Variants in CPLANE1 observed in about 807,000 individuals in gnomAD.
The protein encoded by CPLANE1 is ciliogenesis and planar polarity effector 1.
CPLANE1 carries 263 observed loss-of-function variants against 362.5 expected under a neutral mutation model. That is an observed-to-expected ratio of 0.73 (90% CI 0.66 to 0.80). The LOEUF is 0.80. Ranked by LOEUF, CPLANE1 falls within the 30% of genes least tolerant of loss-of-function variation. The pLI is 0.00. For synonymous variants in CPLANE1, 1,212 were observed against 1,302.6 expected, an observed-to-expected ratio of 0.93 and a Z score of 1.50; for missense variants, 3,461 against 3,793.4, an observed-to-expected ratio of 0.91 and a Z score of 2.30.
chr5:37,135,438 G>T (rs1767374923), intron 46 of CPLANE1, among the ~76,000 whole-genome samples: 1 of 152,170 alleles, frequency 6.6e-6, no homozygotes, highest in Admixed American at 6.5e-5. Context: ...GAGGCCTCAA[G>T]AAACTTATAA....
At chr5:37,170,378 A>G (rs1426725395) in intron 32 of CPLANE1, 47 bp from the exon 33 acceptor site, 1 of 1,521,732 alleles carries the variant, frequency 6.6e-7, no homozygotes, top group South Asian at 1.2e-5. Flanking sequence ...TATAACAAAA[A>G]GAATCTAAGG....
chr5:37,184,449 T>C (rs183693262), intron 25 of CPLANE1, among the ~76,000 whole-genome samples: 1 of 152,112 alleles, frequency 6.6e-6, no homozygotes, highest in Admixed American at 6.5e-5. Context: ...AAAAATAATA[T>C]GGCTAACTCA....
chr5:37,092,119 CCTTT>C, the CPLANE1 span, among the ~76,000 whole-genome samples: 1 of 152,202 alleles, frequency 6.6e-6, no homozygotes, highest in Admixed American at 6.5e-5. Context: ...CTTAGACCCG[CCTTT>C]CTTTCGCCCT....
In CPLANE1 at chr5:37,169,634, T is replaced by TA. The variant is rs1342661598; in HGVS notation, c.6463-74dup. The TA allele has an allele frequency of 2.2e-6, 3 of 1,351,754 alleles. No individual in the cohort carries two copies. The East Asian group carries it at 7.1e-5, about 32-fold the overall frequency. 83.7% of individuals were successfully genotyped at this position (1,351,754 alleles called of 1,614,324 possible). On this transcript the variant is annotated intron_variant, in intron 33 of 52. Coordinates refer to ENST00000651892, the MANE Select transcript of CPLANE1 (RefSeq NM_001384732.1). ...TCCTTCCTTTGTAAATGGCATTCAGTATGTTTTGCAGTGGGTAGAATGTAG... is the reference window on the plus strand; with the variant it reads ...TCCTTCCTTTGTAAATGGCATTCAGTAATGTTTTGCAGTGGGTAGAATGTAG...
chr5:37,083,128 C>T, the CPLANE1 span, among the ~76,000 whole-genome samples: 2 of 152,154 alleles, frequency 1.3e-5, no homozygotes, highest in African/African-American at 2.4e-5. Context: ...CCCCCAGTAC[C>T]GGCCTGGAGC....
At chr5:37,172,281 A>G (rs10073054) in intron 32 of CPLANE1, among the ~76,000 whole-genome samples, 79,040 of 151,998 alleles carry the variant, frequency 0.52, 24,169 homozygotes, top group African/African-American at 0.87. Flanking sequence ...ATGGAAGAAC[A>G]AAACTAAGAA....
At chr5:37,170,432 G>T in intron 32 of CPLANE1, 101 bp from the exon 33 acceptor site, 1 of 1,215,960 alleles carries the variant, frequency 8.2e-7, no homozygotes, top group Non-Finnish European at 1.1e-6. Context: ...TCACACGTTT[G>T]TCTTAATATC....
intron 43 of CPLANE1, among the ~76,000 whole-genome samples, chr5:37,147,938 T>C (rs987008539): frequency 8.8e-6 from 1 of 113,316 alleles, no homozygotes; most frequent in African/African-American, 3.7e-5. Flanking sequence ...TGCCCCATCC[T>C]AGTATAAAAT....
At chr5:37,177,971 T>C (rs1781645617) in intron 29 of CPLANE1, among the ~76,000 whole-genome samples, 1 of 152,182 alleles carries the variant, frequency 6.6e-6, no homozygotes, top group Non-Finnish European at 1.5e-5. Flanking sequence ...GTAAATTATA[T>C]ACACCTAACA....
rs545175693 is a variant in CPLANE1, at chr5:37,157,215, C to T, written c.8119+98G>A. ...CCATGCTCCTTAGCAAGGGACAACC[C>T]TTTTTCTGGTTTCTTTTGCAATTAC... On this transcript the variant is annotated intron_variant, in intron 41 of 52. Transcript: ENST00000651892. The T allele has an allele frequency of 1.1e-4, 63 of 550,660 alleles. 2 individuals are homozygous for T. The Admixed American group carries it at 1.6e-3, about 14-fold the overall frequency. 34.1% of individuals were successfully genotyped at this position (550,660 alleles called of 1,614,324 possible). A position where few individuals can be genotyped will look rare whatever the true frequency, so the allele number is the denominator to read the frequency against.
At chr5:37,091,760 C>T in the CPLANE1 span, among the ~76,000 whole-genome samples, 1 of 152,052 alleles carries the variant, frequency 6.6e-6, no homozygotes, top group Non-Finnish European at 1.5e-5. Flanking sequence ...TGTGTCCATA[C>T]CCCCTCAGGT....
At position 37,167,008 on chromosome 5, in the gene CPLANE1, T is replaced by C. The variant is rs777767093; in HGVS notation, c.7400+39A>G. ...TTATAAATAATAATGAACTTGCTGA[T>C]ATATGATATTATCAAATAAAATTTC... On this transcript the variant is annotated intron_variant, in intron 35 of 52. Transcript: ENST00000651892. The C allele has an allele frequency of 1.8e-5, 27 of 1,465,976 alleles. No individual in the cohort carries two copies. In the Middle Eastern group the frequency reaches 5.3e-4, roughly 29 times the overall value. The allele number at this position is 1,465,976 out of a possible 1,614,324, so 90.8% of individuals were successfully genotyped here.
At chr5:37,098,387 T>G in the CPLANE1 span, among the ~76,000 whole-genome samples, 1 of 69,360 alleles carries the variant, frequency 1.4e-5, no homozygotes, top group South Asian at 4.6e-4. Flanking sequence ...CAAAACTCCG[T>G]CTCAAAAAAA....
rs553382292 is a variant in CPLANE1 at position 37,128,324 on chromosome 5, C to G, written c.8793-2915G>C. Among the ~76,000 whole-genome samples the G allele has an allele frequency of 5.9e-5, 9 of 152,234 alleles. No individual in the cohort carries two copies. The South Asian group carries it at 1.9e-3, about 32-fold the overall frequency. ...TCCAAATGTTTACTTACACCTATTA[C>G]CCTACACTCTCCATTCTGATCACCT... On this transcript the variant is annotated intron_variant, in intron 46 of 52. Transcript: ENST00000651892.
chr5:37,115,099 T>A, intron 50 of CPLANE1, 50 bp from the exon 51 acceptor site: 1 of 1,168,396 alleles, frequency 8.6e-7, no homozygotes, highest in South Asian at 1.3e-5. Context: ...TCCATGATTT[T>A]TATATATATT....
intron 18 of CPLANE1, among the ~76,000 whole-genome samples, chr5:37,203,324 C>G (rs1051686964): frequency 2.0e-5 from 3 of 152,122 alleles, no homozygotes; most frequent in Non-Finnish European, 2.9e-5. Context: ...GACTTCTTAC[C>G]ATGACGGTTC....
chr5:37,220,287 A>C (rs1203670195), intron 15 of CPLANE1, among the ~76,000 whole-genome samples: 4 of 152,138 alleles, frequency 2.6e-5, no homozygotes, highest in Non-Finnish European at 5.9e-5. Context: ...GACATTTATA[A>C]ACAGTGGCTG....
chr5:37,084,162 C>T, the CPLANE1 span, among the ~76,000 whole-genome samples: 1 of 152,176 alleles, frequency 6.6e-6, no homozygotes, highest in East Asian at 1.9e-4. Flanking sequence ...GCCAAGAATT[C>T]TGTATTCAGT....
At chr5:37,231,525 C>T (rs1797733343) in intron 8 of CPLANE1, among the ~76,000 whole-genome samples, 1 of 151,792 alleles carries the variant, frequency 6.6e-6, no homozygotes, top group Non-Finnish European at 1.5e-5. Context: ...CGAGATCATA[C>T]CACTGCACTC....
Sources: gnomAD v4.1 joint callset for allele counts (sites outside exome capture counted in the v4.1 genomes callset) on GRCh38, gnomAD v4.1.1 for gene constraint, MANE v1.5 for transcripts, NCBI Gene and HGNC (gene_info 2026-07-23, HGNC 2026-07-21) for gene names.